The following TRPM3 variants were observed in gnomAD, a reference collection of about 807,000 sequenced individuals.
TRPM3 encodes transient receptor potential cation channel subfamily M member 3.
TRPM3 carries 77 observed loss-of-function variants against 181.2 expected under a neutral mutation model. That is an observed-to-expected ratio of 0.42 (90% confidence interval 0.35 to 0.51). The LOEUF (loss-of-function observed/expected upper bound fraction) is 0.51, where lower values mean the gene tolerates loss of function less well. TRPM3 is among the 20% of genes least tolerant of loss of function. The probability of loss-of-function intolerance (pLI) is 0.01; values close to 1 mark genes in which losing one functional copy is unlikely to be tolerated. For missense variants in TRPM3, 1,759 were observed against 2,196.7 expected (o/e 0.80, Z 3.98); for synonymous variants, 745 against 796.4 (o/e 0.94, Z 1.09).
intron 1 of TRPM3, among the ~76,000 whole-genome samples, chr9:71,032,411 T>C (rs560322099): frequency 2.1e-3 from 322 of 151,454 alleles, no homozygotes; most frequent in African/African-American, 7.4e-3. Context: ...TGAAAATGTA[T>C]ACATTTATTT....
chr9:71,425,717 T>A (rs2093851166), intron 1 of TRPM3, among the ~76,000 whole-genome samples: 1 of 152,132 alleles, frequency 6.6e-6, no homozygotes, highest in Non-Finnish European at 1.5e-5. Context: ...ATTTTCCTAT[T>A]TAAAACTCTT....
At chr9:71,304,431 G>T (rs927840033) in intron 1 of TRPM3, among the ~76,000 whole-genome samples, 1 of 152,132 alleles carries the variant, frequency 6.6e-6, no homozygotes, top group South Asian at 2.1e-4. Context: ...GTAAGGACTG[G>T]TTTAAGCTGT....
chr9:71,266,387 T>C (rs777017159), intron 1 of TRPM3, among the ~76,000 whole-genome samples: 1 of 152,012 alleles, frequency 6.6e-6, no homozygotes, highest in Non-Finnish European at 1.5e-5. Flanking sequence ...AGGAAACCGG[T>C]TTTTAAAAAA....
At chr9:71,280,539 A>C (rs973280210) in intron 1 of TRPM3, among the ~76,000 whole-genome samples, 5 of 151,954 alleles carry the variant, frequency 3.3e-5, no homozygotes, top group Non-Finnish European at 7.4e-5. Context: ...AAAAGAAAAG[A>C]AAAGCCCTGG....
At position 70,582,861 on chromosome 9, in the gene TRPM3, A is replaced by T. The variant is rs141070104; in HGVS notation, c.3223+8170T>A. 4.7e-4 allele frequency among the ~76,000 whole-genome samples: 72 copies of T among 152,304 alleles called. No homozygotes were observed. In the East Asian group the frequency reaches 0.011, roughly 22 times the overall value. On this transcript the variant is annotated intron_variant, in intron 22 of 25. Coordinates refer to ENST00000677713, the MANE Select transcript of TRPM3 (RefSeq NM_001366145.2). ...CCACACTGTGAGATGATTTATGATG[A>T]CACCAGGTTACAATTACTTCATATA...
At chr9:71,194,990 T>C (rs2078257912) in intron 1 of TRPM3, among the ~76,000 whole-genome samples, 1 of 151,930 alleles carries the variant, frequency 6.6e-6, no homozygotes. Flanking sequence ...TGACATAGCA[T>C]CTCTCGTTTC....
chr9:70,809,909 T>C (rs2091586636), intron 6 of TRPM3: 1 of 528,684 alleles, frequency 1.9e-6, no homozygotes, highest in South Asian at 1.4e-5. Context: ...ATGGGCCCAA[T>C]GATGGAAAAT....
intron 7 of TRPM3, among the ~76,000 whole-genome samples, chr9:70,772,900 A>C (rs1373609099): frequency 6.6e-6 from 1 of 151,284 alleles, no homozygotes; most frequent in Admixed American, 6.6e-5. Flanking sequence ...GTTCATTCCA[A>C]GTGCAATCCC....
chr9:71,094,544 GA>G (rs1401509273), intron 1 of TRPM3, among the ~76,000 whole-genome samples: 9 of 151,470 alleles, frequency 5.9e-5, no homozygotes, highest in Non-Finnish European at 1.5e-5. Flanking sequence ...AATAGAAGAG[GA>G]ATATAGGAGG....
At chr9:71,238,570 C>T (rs4745076) in intron 1 of TRPM3, among the ~76,000 whole-genome samples, 144,134 of 152,262 alleles carry the variant, frequency 0.95, 68,607 homozygotes, top group East Asian at 1. Flanking sequence ...AAACAGTCTT[C>T]CTGGAATGTT....
intron 6 of TRPM3, among the ~76,000 whole-genome samples, chr9:70,802,353 G>C (rs1398462719): frequency 2.0e-5 from 3 of 152,182 alleles, no homozygotes; most frequent in Admixed American, 2.0e-4. Flanking sequence ...ATGGACTCTT[G>C]TAACTACTCA....
chr9:70,857,872 G>A (rs555761356), intron 3 of TRPM3, among the ~76,000 whole-genome samples: 1 of 152,306 alleles, frequency 6.6e-6, no homozygotes, highest in South Asian at 2.1e-4. Flanking sequence ...GTATTAGTGT[G>A]CTTGTCTCAA....
At chr9:71,050,938 C>T (rs1168419052) in intron 1 of TRPM3, among the ~76,000 whole-genome samples, 1 of 152,208 alleles carries the variant, frequency 6.6e-6, no homozygotes, top group Non-Finnish European at 1.5e-5. Context: ...GATTGACTAG[C>T]AATTGCCAAG....
At chr9:71,250,330 A>G (rs187479992) in intron 1 of TRPM3, among the ~76,000 whole-genome samples, 33 of 152,060 alleles carry the variant, frequency 2.2e-4, no homozygotes, top group Non-Finnish European at 4.6e-4. Context: ...TTTGCTTTTT[A>G]TTTTTACCTA....
intron 1 of TRPM3, among the ~76,000 whole-genome samples, chr9:71,119,325 T>C (rs1363891719): frequency 2.0e-5 from 3 of 152,152 alleles, no homozygotes; most frequent in African/African-American, 7.2e-5. Context: ...TTACAAAGCA[T>C]CACTTTAATA....
At chr9:70,906,674 C>T (rs888073492) in intron 1 of TRPM3, among the ~76,000 whole-genome samples, 3 of 152,028 alleles carry the variant, frequency 2.0e-5, no homozygotes, top group Non-Finnish European at 2.9e-5. Flanking sequence ...AGGCCAAGGC[C>T]GGCGGATCAC....
chr9:70,683,428 C>CTTTTTTTTTT lies in TRPM3; in HGVS notation c.1273-1860_1273-1851dup, dbSNP rs575176948. Among the ~76,000 whole-genome samples the CTTTTTTTTTT allele has an allele frequency of 4.5e-3, 260 of 57,462 alleles. 21 individuals are homozygous for CTTTTTTTTTT. Among genetic ancestry groups the CTTTTTTTTTT allele is most frequent in the Non-Finnish European group, 5.7e-3 (176 of 30,788 alleles). The allele number at this position is 57,462 out of a possible 152,430, so 37.7% of individuals were successfully genotyped here. A position where few individuals can be genotyped will look rare whatever the true frequency, so the allele number is the denominator to read the frequency against. On this transcript the variant is annotated intron_variant, in intron 8 of 25. Coordinates refer to ENST00000677713, the MANE Select transcript of TRPM3 (RefSeq NM_001366145.2). The stretch of plus-strand genomic sequence containing the variant: ...CCTTTTCTCTCTTTCTCTCTCTCTC[C>CTTTTTTTTTT]TTTTTTTTTTTTTTTTTTTTTTTTT...
chr9:71,197,892 A>C (rs1587902343), intron 1 of TRPM3, among the ~76,000 whole-genome samples: 2 of 149,084 alleles, frequency 1.3e-5, no homozygotes, highest in South Asian at 4.4e-4. Flanking sequence ...CCCATTTGTC[A>C]ATTTTGGCTT....
At chr9:71,205,066 G>C (rs904822283) in intron 1 of TRPM3, among the ~76,000 whole-genome samples, 3 of 152,002 alleles carry the variant, frequency 2.0e-5, no homozygotes, top group African/African-American at 7.3e-5. Flanking sequence ...CCTGTTGTGG[G>C]GTGGGGGGAG....
Sources: gnomAD v4.1 joint callset for allele counts (sites outside exome capture counted in the v4.1 genomes callset) on GRCh38, gnomAD v4.1.1 for gene constraint, MANE v1.5 for transcripts, NCBI Gene and HGNC (gene_info 2026-07-23, HGNC 2026-07-21) for gene names.